Variants in TET1 observed in about 807,000 individuals in gnomAD.
TET1 encodes the protein tet methylcytosine dioxygenase 1, also known as methylcytosine dioxygenase TET1.
A neutral mutation model predicts 148.7 loss-of-function variants in TET1; 13 were observed. The ratio of observed to expected loss-of-function variants is 0.09; its 90% CI spans 0.06 to 0.14. The LOEUF is 0.14. TET1 is among the 10% of genes least tolerant of loss of function. The probability of loss-of-function intolerance (pLI) is 1.00; values close to 1 mark genes in which losing one functional copy is unlikely to be tolerated. For missense variants in TET1, 2,182 were observed against 2,553.8 expected (o/e 0.85, Z 3.14); for synonymous variants, 907 against 937.2 (o/e 0.97, Z 0.59).
Position 68,596,017 on chromosome 10 carries a change from CACACACACACAT to C in TET1, c.1915-4962_1915-4951del, listed in dbSNP as rs1373894212. On this transcript the variant is annotated intron_variant, in intron 2 of 11. Transcript: ENST00000373644. ...ACACACACACACACACACACACACA[CACACACACACAT>C]ATATATATATATATACACATTTTTT... Among the ~76,000 whole-genome samples the C allele has an allele frequency of 3.2e-4, 35 of 108,548 alleles. 1 individual carries two copies. Among genetic ancestry groups the C allele is most frequent in the Admixed American group, 7.0e-4 (7 of 9,990 alleles). 71.2% of individuals were successfully genotyped at this position (108,548 alleles called of 152,430 possible). A position where few individuals can be genotyped will look rare whatever the true frequency, so the allele number is the denominator to read the frequency against.
At chr10:68,570,194 T>A (rs1410566948) in intron 1 of TET1, among the ~76,000 whole-genome samples, 1 of 151,956 alleles carries the variant, frequency 6.6e-6, no homozygotes, top group African/African-American at 2.4e-5. Flanking sequence ...AACCTCTGCC[T>A]CCCGGGTTCA....
intron 3 of TET1, chr10:68,632,458 G>C: frequency 6.2e-7 from 1 of 1,612,502 alleles, no homozygotes; most frequent in South Asian, 1.1e-5. Context: ...TACTCCCTGC[G>C]CCCGGCATTC....
intron 10 of TET1, among the ~76,000 whole-genome samples, chr10:68,683,345 C>A (rs1236049853): frequency 6.6e-6 from 1 of 152,198 alleles, no homozygotes; most frequent in Admixed American, 6.5e-5. Context: ...GTGGCACGAT[C>A]TCAGCTCACT....
intron 6 of TET1, among the ~76,000 whole-genome samples, chr10:68,655,129 C>G (rs1000014014): frequency 2.0e-5 from 3 of 152,178 alleles, no homozygotes; most frequent in African/African-American, 7.2e-5. Flanking sequence ...CCAGCCACTG[C>G]ACTCCAGCCT....
At chr10:68,678,730 A>C (rs2055397500) in intron 8 of TET1, among the ~76,000 whole-genome samples, 1 of 151,954 alleles carries the variant, frequency 6.6e-6, no homozygotes, top group Non-Finnish European at 1.5e-5. Context: ...CCCACACACA[A>C]AAAAAGAGTG....
chr10:68,657,246 G>A (rs939245778), intron 6 of TET1, among the ~76,000 whole-genome samples: 3 of 151,770 alleles, frequency 2.0e-5, no homozygotes, highest in Non-Finnish European at 4.4e-5. Context: ...GCGTGATCTC[G>A]GCTCACTGCA....
intron 4 of TET1, among the ~76,000 whole-genome samples, chr10:68,649,230 G>T (rs1055116629): frequency 3.3e-5 from 5 of 152,110 alleles, no homozygotes; most frequent in Non-Finnish European, 7.3e-5. Context: ...AACTGAACTG[G>T]GACTCAGAGA....
intron 2 of TET1, among the ~76,000 whole-genome samples, chr10:68,596,378 C>T (rs1564959302): frequency 6.6e-6 from 1 of 152,006 alleles, no homozygotes; most frequent in African/African-American, 2.4e-5. Flanking sequence ...ATGGTACATG[C>T]TCAAGTCAAG....
At chr10:68,562,439 AG>A (rs11361755) in intron 1 of TET1, among the ~76,000 whole-genome samples, 6,935 of 152,268 alleles carry the variant, frequency 0.046, 200 homozygotes, top group South Asian at 0.088. Flanking sequence ...AAGAATCAAA[AG>A]ACTTAGGTGG....
intron 3 of TET1, among the ~76,000 whole-genome samples, chr10:68,604,457 G>A (rs1281247262): frequency 6.6e-6 from 1 of 152,182 alleles, no homozygotes; most frequent in Non-Finnish European, 1.5e-5. Flanking sequence ...CCTGAAGGGG[G>A]ATGGTGAGTG....
At chr10:68,612,899 T>C (rs1322868354) in intron 3 of TET1, among the ~76,000 whole-genome samples, 1 of 152,230 alleles carries the variant, frequency 6.6e-6, no homozygotes, top group Non-Finnish European at 1.5e-5. Flanking sequence ...ATTACAGGCA[T>C]GACCCACCAT....
intron 1 of TET1, among the ~76,000 whole-genome samples, chr10:68,561,718 G>A (rs1470884756): frequency 1.1e-5 from 1 of 92,628 alleles, no homozygotes; most frequent in African/African-American, 4.4e-5. Flanking sequence ...CCCCCGCTCC[G>A]GTCCCCGCCT....
At chr10:68,614,737 G>A (rs1484789705) in intron 3 of TET1, among the ~76,000 whole-genome samples, 1 of 152,036 alleles carries the variant, frequency 6.6e-6, no homozygotes, top group Non-Finnish European at 1.5e-5. Context: ...GGGATTACAG[G>A]TGTATGCCAT....
At chr10:68,624,855 C>G (rs1224581846) in intron 3 of TET1, among the ~76,000 whole-genome samples, 2 of 151,562 alleles carry the variant, frequency 1.3e-5, no homozygotes, top group African/African-American at 2.4e-5. Context: ...ACTCAGCCTC[C>G]CGAGTAGCTG....
chr10:68,677,168 T>C (rs1168248229), intron 8 of TET1, among the ~76,000 whole-genome samples: 1 of 152,194 alleles, frequency 6.6e-6, no homozygotes, highest in African/African-American at 2.4e-5. Flanking sequence ...GAGAAAGCTT[T>C]AGCAGAAAAT....
intron 3 of TET1, among the ~76,000 whole-genome samples, chr10:68,625,605 T>A (rs865818871): frequency 6.6e-6 from 1 of 152,174 alleles, no homozygotes; most frequent in African/African-American, 2.4e-5. Context: ...TGGTGTTATT[T>A]TTACCTATTT....
chr10:68,569,580 T>A (rs546475845), intron 1 of TET1, among the ~76,000 whole-genome samples: 9 of 152,220 alleles, frequency 5.9e-5, no homozygotes, highest in African/African-American at 2.2e-4. Context: ...AAGAGATAAT[T>A]TTTAAAGTAT....
chr10:68,568,957 T>C (rs2053636328), intron 1 of TET1, among the ~76,000 whole-genome samples: 1 of 152,110 alleles, frequency 6.6e-6, no homozygotes, highest in Non-Finnish European at 1.5e-5. Context: ...ATTTCTGGGT[T>C]TGGGCAGTGT....
In TET1 at chr10:68,691,409, G is replaced by A; in HGVS notation, c.6006G>A (p.Leu2002=). 1 of 1,614,094 alleles carries A rather than the reference G, an allele frequency of 6.2e-7. No individual in the cohort carries two copies. The highest frequency in any genetic ancestry group is 1.1e-5 in the South Asian group (1 of 91,080). The change falls in exon 12 of 12, where the codon TTG becomes TTA. Residue 2002 remains leucine (L), a synonymous_variant. Transcript: ENST00000373644. The surrounding 1 kb of genome is among the most constrained non-coding windows in gnomAD (Gnocchi z 4.4). ...GGTCAGACAGTGAGCACATCTTTTT[G>A]GATGCAAATATTGGTGGGGTGGCCA... ...EYWSDSEHIF[L]DANIGGVAIA... is the part of the protein sequence containing the mutation.
Sources: gnomAD v4.1 joint callset for allele counts (sites outside exome capture counted in the v4.1 genomes callset) on GRCh38, gnomAD v4.1.1 for gene constraint, Gnocchi (gnomAD v3.1) non-coding constraint, MANE v1.5 for transcripts, NCBI Gene and HGNC (gene_info 2026-07-23, HGNC 2026-07-21) for gene names.